Variants in MSI2 observed in about 807,000 individuals in gnomAD.
MSI2 encodes the protein RNA-binding protein Musashi homolog 2.
A neutral mutation model predicts 45.6 loss-of-function variants in MSI2; 17 were observed. That is an observed-to-expected ratio of 0.37 (90% confidence interval 0.26 to 0.56). The LOEUF (loss-of-function observed/expected upper bound fraction) is 0.56, where lower values mean the gene tolerates loss of function less well. Among genes scored for constraint, MSI2 ranks in the 20% least tolerant of loss-of-function variants. MSI2 has a pLI of 0.77. For synonymous variants in MSI2, 156 were observed against 158.2 expected, an observed-to-expected ratio of 0.99 and a Z score of 0.11; for missense variants, 293 against 444.2, an observed-to-expected ratio of 0.66 and a Z score of 3.06.
chr17:57,306,458 C>T (rs1911907206), intron 5 of MSI2, among the ~76,000 whole-genome samples: 1 of 152,184 alleles, frequency 6.6e-6, no homozygotes, highest in South Asian at 2.1e-4. Context: ...TTTGTAGACA[C>T]GTCCTCCCCA....
chr17:57,563,744 G>GTGCACACACA (rs2087651108), intron 7 of MSI2, among the ~76,000 whole-genome samples: 1 of 115,696 alleles, frequency 8.6e-6, no homozygotes, highest in African/African-American at 4.1e-5. Flanking sequence ...ACACACAGGC[G>GTGCACACACA]CGCACACACA....
At chr17:57,419,429 C>T (rs535626543) in intron 6 of MSI2, among the ~76,000 whole-genome samples, 141 of 151,762 alleles carry the variant, frequency 9.3e-4, no homozygotes, top group Non-Finnish European at 1.8e-3. Context: ...GTGGCTCAGT[C>T]TCAGCTCACT....
intron 3 of MSI2, among the ~76,000 whole-genome samples, chr17:57,257,765 G>A (rs1906934307): frequency 9.0e-6 from 1 of 111,570 alleles, no homozygotes; most frequent in African/African-American, 5.8e-5. Context: ...CCATCTCTCT[G>A]CTTTTAAGTC....
chr17:57,334,612 G>C (rs368902409), intron 5 of MSI2, among the ~76,000 whole-genome samples: 6 of 152,072 alleles, frequency 3.9e-5, no homozygotes, highest in African/African-American at 1.2e-4. Flanking sequence ...TGGCCAACAT[G>C]GTAAAACTCC....
At chr17:57,484,333 G>A (rs1470094491) in intron 6 of MSI2, among the ~76,000 whole-genome samples, 1 of 152,142 alleles carries the variant, frequency 6.6e-6, no homozygotes, top group Non-Finnish European at 1.5e-5. Flanking sequence ...TGGCTCCTTC[G>A]GGGGAAATGC....
chr17:57,526,769 C>T (rs1445821019), intron 6 of MSI2, among the ~76,000 whole-genome samples: 3 of 152,114 alleles, frequency 2.0e-5, no homozygotes, highest in East Asian at 1.9e-4. Context: ...TCTCTTTCCT[C>T]TCTAGCTCCT....
the MSI2 span, among the ~76,000 whole-genome samples, chr17:57,700,676 G>T: frequency 4.6e-4 from 70 of 152,300 alleles, 1 homozygote; most frequent in Middle Eastern, 6.8e-3. Flanking sequence ...GCCAAGGCAG[G>T]CAGATCACCT....
chr17:57,342,297 G>A (rs117865295), intron 5 of MSI2, among the ~76,000 whole-genome samples: 1,587 of 152,316 alleles, frequency 0.01, 13 homozygotes, highest in Middle Eastern at 0.017. Context: ...GGTAGTGAGA[G>A]GCAGGGTTGG....
intron 7 of MSI2, among the ~76,000 whole-genome samples, chr17:57,538,744 A>C (rs1288594368): frequency 6.6e-6 from 1 of 152,210 alleles, no homozygotes; most frequent in Non-Finnish European, 1.5e-5. Context: ...CTTTGCACAC[A>C]CACATATGCT....
At chr17:57,693,168 C>A in the MSI2 span, among the ~76,000 whole-genome samples, 1 of 151,568 alleles carries the variant, frequency 6.6e-6, no homozygotes, top group Admixed American at 6.6e-5. Flanking sequence ...TGTTCAATTT[C>A]TATTGTCCTA....
intron 6 of MSI2, among the ~76,000 whole-genome samples, chr17:57,514,650 C>CTTTT (rs11318524): frequency 7.4e-6 from 1 of 135,324 alleles, no homozygotes; most frequent in African/African-American, 2.8e-5. Context: ...TGAATTGATA[C>CTTTT]TTTTTTTTTT....
intron 5 of MSI2, among the ~76,000 whole-genome samples, chr17:57,377,211 T>C (rs573771642): frequency 3.2e-4 from 49 of 152,308 alleles, no homozygotes; most frequent in South Asian, 2.5e-3. Context: ...TGAGCCACCG[T>C]GCCCGGCCCA....
At chr17:57,502,636 T>TATATATATATATATATAGAGAGAGAG in intron 6 of MSI2, among the ~76,000 whole-genome samples, 17 of 96,924 alleles carry the variant, frequency 1.8e-4, no homozygotes, top group Non-Finnish European at 3.0e-4. Context: ...TATATATATA[T>TATATATATATATATATAGAGAGAGAG]AGTCATCATT....
At position 57,674,982 on chromosome 17, in the gene MSI2, G is replaced by T. The variant is rs376993424; in HGVS notation, c.801G>T (p.Pro267=). The T allele has an allele frequency of 2.5e-6, 4 of 1,613,246 alleles. No individual in the cohort carries two copies. Among genetic ancestry groups the T allele is most frequent in the Non-Finnish European group, 3.4e-6 (4 of 1,179,730 alleles). Residue 267 remains proline, a synonymous_variant, in exon 12 of 14, where the codon CCG becomes CCT. Coordinates refer to ENST00000284073, the MANE Select transcript of MSI2 (RefSeq NM_138962.4). ...CCGCTTCCCCGGCAGGCTCCAACCCGGCGCGGCCCGGAGGCTTCCCGGGGG... is the reference window on the plus strand; with the variant it reads ...CCGCTTCCCCGGCAGGCTCCAACCCTGCGCGGCCCGGAGGCTTCCCGGGGG... ...VAAARGSGSN[P]ARPGGFPGAN... is the part of the protein sequence containing the mutation.
At chr17:57,392,377 G>A (rs968750354) in intron 5 of MSI2, among the ~76,000 whole-genome samples, 3 of 152,180 alleles carry the variant, frequency 2.0e-5, no homozygotes, top group African/African-American at 7.2e-5. Flanking sequence ...GCTCCCAGCC[G>A]AAGCATCCTG....
At chr17:57,314,635 G>A (rs1449148578) in intron 5 of MSI2, among the ~76,000 whole-genome samples, 3 of 135,078 alleles carry the variant, frequency 2.2e-5, no homozygotes, top group Non-Finnish European at 3.0e-5. Context: ...GCAGTGGCGC[G>A]ATCTCGGCTC....
At chr17:57,553,610 TA>T (rs2144200553) in intron 7 of MSI2, among the ~76,000 whole-genome samples, 1 of 152,328 alleles carries the variant, frequency 6.6e-6, no homozygotes, top group South Asian at 2.1e-4. Flanking sequence ...TCTTTTGAAA[TA>T]GACTGGAAAT....
At chr17:57,607,057 C>T (rs904790517) in intron 8 of MSI2, among the ~76,000 whole-genome samples, 40 of 152,266 alleles carry the variant, frequency 2.6e-4, no homozygotes, top group African/African-American at 6.3e-4. Context: ...GTAAGGCCAT[C>T]GCACAGAGGA....
At chr17:57,447,532 G>A (rs1195593717) in intron 6 of MSI2, among the ~76,000 whole-genome samples, 5 of 152,122 alleles carry the variant, frequency 3.3e-5, no homozygotes, top group Non-Finnish European at 7.3e-5. Context: ...CGGCCCAGCT[G>A]ACACAGCTGT....
Sources: allele counts gnomAD v4.1 joint callset (sites outside exome capture counted in the v4.1 genomes callset), GRCh38; gene constraint gnomAD v4.1.1; transcripts MANE v1.5; gene names NCBI Gene and HGNC (gene_info 2026-07-23, HGNC 2026-07-21).